GNAO1: variants seen among roughly 807,000 people sequenced by gnomAD.
GNAO1 encodes guanine nucleotide-binding protein G(o) subunit alpha.
For synonymous variants in GNAO1, 164 were observed against 180.7 expected (o/e 0.91, Z 0.74); for missense variants, 166 against 478.7 (o/e 0.35, Z 6.10).
intron 3 of GNAO1, among the ~76,000 whole-genome samples, chr16:56,318,265 G>A (rs1418799491): frequency 6.6e-6 from 1 of 152,164 alleles, no homozygotes; most frequent in Non-Finnish European, 1.5e-5. Flanking sequence ...GTGCAGGCCT[G>A]GGTGGGAGCG....
At chr16:56,204,243 G>A (rs2036305781) in intron 2 of GNAO1, among the ~76,000 whole-genome samples, 1 of 152,186 alleles carries the variant, frequency 6.6e-6, no homozygotes, top group African/African-American at 2.4e-5. Context: ...GATATGGCAG[G>A]TGAACCCATA....
At chr16:56,242,554 G>A (rs2036703687) in intron 2 of GNAO1, among the ~76,000 whole-genome samples, 1 of 152,172 alleles carries the variant, frequency 6.6e-6, no homozygotes, top group African/African-American at 2.4e-5. Context: ...AGGATGTCAA[G>A]ATCATTCAGT....
rs114279170 is a variant in GNAO1, at chr16:56,340,625, C to T, written c.723+3765C>T. On this transcript the variant is annotated intron_variant, in intron 6 of 8. Coordinates refer to ENST00000262493, the MANE Select transcript of GNAO1 (RefSeq NM_020988.3). ...CCAACCCTGCCCGGCCCTGCTCCGC[C>T]CCGCCCTGCCTGCGTGTGGAATGAA... 2.1e-3 allele frequency: 1,290 copies of T among 600,392 alleles called. 16 individuals are homozygous for T. In the African/African-American group the frequency reaches 0.022, roughly 10 times the overall value. 37.2% of individuals were successfully genotyped at this position (600,392 alleles called of 1,614,324 possible). A position where few individuals can be genotyped will look rare whatever the true frequency, so the allele number is the denominator to read the frequency against.
intron 2 of GNAO1, among the ~76,000 whole-genome samples, chr16:56,220,212 G>T (rs2036471284): frequency 1.3e-5 from 2 of 151,960 alleles, no homozygotes. Context: ...CTAGCCTGGG[G>T]GTCTGCCATC....
chr16:56,193,551 T>G (rs1244376187), intron 2 of GNAO1: 1 of 157,034 alleles, frequency 6.4e-6, no homozygotes, highest in Non-Finnish European at 1.4e-5. Flanking sequence ...CAGTTTCCCC[T>G]CCTAATTAAC....
At chr16:56,294,341 T>TA (rs377121608) in intron 3 of GNAO1, among the ~76,000 whole-genome samples, 70,249 of 133,610 alleles carry the variant, frequency 0.53, 18,372 homozygotes, top group East Asian at 0.66. Flanking sequence ...GGCTTTGCTT[T>TA]AAAAAAAAAA....
chr16:56,245,529 C>T (rs1021228741), intron 2 of GNAO1: 2 of 154,794 alleles, frequency 1.3e-5, no homozygotes, highest in African/African-American at 4.8e-5. Context: ...TGGATGTGTT[C>T]CTGTCCCAGA....
chr16:56,271,399 A>G (rs1286719176), intron 2 of GNAO1, among the ~76,000 whole-genome samples: 1 of 152,254 alleles, frequency 6.6e-6, no homozygotes, highest in South Asian at 2.1e-4. Context: ...TGCTTATCTT[A>G]TACTGCAAAT....
chr16:56,246,841 G>GT (rs1355778348), intron 2 of GNAO1, among the ~76,000 whole-genome samples: 1 of 152,150 alleles, frequency 6.6e-6, no homozygotes, highest in Non-Finnish European at 1.5e-5. Context: ...CTTCAAAAAG[G>GT]TTTTTTAAAG....
chr16:56,249,376 A>G (rs963674140), intron 2 of GNAO1, among the ~76,000 whole-genome samples: 6 of 152,144 alleles, frequency 3.9e-5, no homozygotes, highest in African/African-American at 1.4e-4. Context: ...TGGCCTCACC[A>G]TCTCAACACA....
At chr16:56,211,396 C>T (rs1401306868) in intron 2 of GNAO1, among the ~76,000 whole-genome samples, 1 of 152,088 alleles carries the variant, frequency 6.6e-6, no homozygotes, top group African/African-American at 2.4e-5. Flanking sequence ...GCATAGACAC[C>T]CCCAGAACTC....
At chr16:56,252,432 G>A (rs2036807926) in intron 2 of GNAO1, among the ~76,000 whole-genome samples, 1 of 152,192 alleles carries the variant, frequency 6.6e-6, no homozygotes, top group Non-Finnish European at 1.5e-5. Flanking sequence ...CAGATGAGGT[G>A]GGCACTCTAG....
intron 2 of GNAO1, among the ~76,000 whole-genome samples, chr16:56,248,416 C>G (rs1444505594): frequency 6.6e-6 from 1 of 152,128 alleles, no homozygotes; most frequent in Non-Finnish European, 1.5e-5. Flanking sequence ...GCGGGAGATA[C>G]AAAAAGAGTT....
chr16:56,320,018 G>T (rs571900573), intron 3 of GNAO1, among the ~76,000 whole-genome samples: 1 of 152,288 alleles, frequency 6.6e-6, no homozygotes, highest in Non-Finnish European at 1.5e-5. Flanking sequence ...TAACCAGAAA[G>T]ATTGTACTGG....
intron 3 of GNAO1, among the ~76,000 whole-genome samples, chr16:56,314,074 G>A (rs1303557766): frequency 2.0e-5 from 3 of 152,160 alleles, no homozygotes; most frequent in African/African-American, 7.2e-5. Flanking sequence ...ATTGGTTCAT[G>A]AGTTACACAG....
chr16:56,345,348 G>A, intron 6 of GNAO1: 2 of 985,540 alleles, frequency 2.0e-6, no homozygotes, highest in African/African-American at 1.7e-5. Context: ...CCCTCCTCAA[G>A]CCCTCTGTTC....
chr16:56,217,516 A>C (rs150517089), intron 2 of GNAO1, among the ~76,000 whole-genome samples: 1 of 152,240 alleles, frequency 6.6e-6, no homozygotes, highest in South Asian at 2.1e-4. Context: ...CCTTGTTATT[A>C]GAGTCAAGTG....
At chr16:56,232,702 T>G (rs2036601300) in intron 2 of GNAO1, among the ~76,000 whole-genome samples, 1 of 152,216 alleles carries the variant, frequency 6.6e-6, no homozygotes, top group South Asian at 2.1e-4. Context: ...ACTTTTCATT[T>G]TATACAGTTA....
intron 6 of GNAO1, 44 bp downstream of exon 6, chr16:56,336,904 A>G: frequency 6.4e-7 from 1 of 1,572,752 alleles, no homozygotes; most frequent in African/African-American, 1.3e-5. Context: ...CGCTGAGGAG[A>G]CGGCCGCAGG....
Sources: gnomAD v4.1 joint callset for allele counts (sites outside exome capture counted in the v4.1 genomes callset) on GRCh38, gnomAD v4.1.1 for gene constraint, MANE v1.5 for transcripts, NCBI Gene and HGNC (gene_info 2026-07-23, HGNC 2026-07-21) for gene names.